The following DOCK7 variants were observed in gnomAD, a reference collection of about 807,000 sequenced individuals.
The protein encoded by DOCK7 is dedicator of cytokinesis 7, also known as dedicator of cytokinesis protein 7.
A neutral mutation model predicts 271.0 loss-of-function variants in DOCK7; 138 were observed. That is an observed-to-expected ratio of 0.51 (90% confidence interval 0.44 to 0.59). The LOEUF (loss-of-function observed/expected upper bound fraction) is 0.59, where lower values mean the gene tolerates loss of function less well. DOCK7 is among the 20% of genes least tolerant of loss of function. The pLI is 0.00. For missense variants in DOCK7, 2,066 were observed against 2,592.4 expected, an observed-to-expected ratio of 0.80 and a Z score of 4.41; for synonymous variants, 823 against 876.1, an observed-to-expected ratio of 0.94 and a Z score of 1.07.
intron 49 of DOCK7, 93 bp downstream of exon 49, chr1:62,457,445 G>T: frequency 7.8e-7 from 1 of 1,282,934 alleles, no homozygotes; most frequent in Non-Finnish European, 1.1e-6. Flanking sequence ...CTTTTCGGAT[G>T]ACAGATGCTC....
chr1:62,609,595 G>A (rs769385166), intron 14 of DOCK7: 2 of 152,084 alleles, frequency 1.3e-5, no homozygotes, highest in Non-Finnish European at 2.9e-5. Context: ...AGGTTCTTCC[G>A]TGTCATTTTT....
At chr1:62,455,693 G>C (rs1645327704) in intron 49 of DOCK7, among the ~76,000 whole-genome samples, 2 of 152,292 alleles carry the variant, frequency 1.3e-5, no homozygotes, top group African/African-American at 4.8e-5. Flanking sequence ...TTGTCTGACT[G>C]ATGCTGCAGA....
chr1:62,534,306 A>T (rs909237898), intron 29 of DOCK7, among the ~76,000 whole-genome samples: 7 of 151,952 alleles, frequency 4.6e-5, no homozygotes, highest in African/African-American at 1.4e-4. Flanking sequence ...GGCTACATTA[A>T]GCTACTTCTA....
intron 14 of DOCK7, chr1:62,604,330 C>T (rs186819439): frequency 9.5e-6 from 14 of 1,477,890 alleles, no homozygotes; most frequent in East Asian, 2.3e-5. Flanking sequence ...TTTAAAAATC[C>T]GAATCCCAAA....
intron 29 of DOCK7, among the ~76,000 whole-genome samples, chr1:62,533,589 G>T (rs1645245997): frequency 6.6e-6 from 1 of 152,064 alleles, no homozygotes; most frequent in South Asian, 2.1e-4. Flanking sequence ...AATCTACACA[G>T]AAACCCATTA....
intron 21 of DOCK7, among the ~76,000 whole-genome samples, 179 bp from the exon 22 acceptor site, chr1:62,553,080 G>T (rs1645968053): frequency 7.9e-6 from 1 of 126,910 alleles, no homozygotes; most frequent in African/African-American, 3.1e-5. Flanking sequence ...CTGTTGCCAG[G>T]CTGGAGTGCA....
chr1:62,559,310 T>A (rs1268786572), intron 19 of DOCK7, 90 bp from the exon 20 acceptor site: 1 of 907,392 alleles, frequency 1.1e-6, no homozygotes, highest in East Asian at 2.7e-5. Context: ...ACATGTCATA[T>A]TACTTGATAA....
At chr1:62,684,757 C>T (rs184501765) in intron 1 of DOCK7, among the ~76,000 whole-genome samples, 21 of 152,258 alleles carry the variant, frequency 1.4e-4, no homozygotes, top group African/African-American at 4.8e-4. Flanking sequence ...ACAAAGACAA[C>T]TACTTGATAT....
chr1:62,532,473 A>C (rs761178229), intron 29 of DOCK7, among the ~76,000 whole-genome samples: 18 of 152,152 alleles, frequency 1.2e-4, no homozygotes, highest in South Asian at 4.1e-4. Context: ...CTGGGACTAT[A>C]GGTATGCACC....
chr1:62,573,243 A>G (rs151285145), intron 18 of DOCK7, among the ~76,000 whole-genome samples: 1 of 152,370 alleles, frequency 6.6e-6, no homozygotes, highest in African/African-American at 2.4e-5. Context: ...GGCTGGAGGC[A>G]GAAAAAAGCT....
At chr1:62,654,729 G>A (rs995764284) in intron 2 of DOCK7, among the ~76,000 whole-genome samples, 13 of 152,268 alleles carry the variant, frequency 8.5e-5, no homozygotes, top group African/African-American at 2.9e-4. Context: ...TAAAACGGGA[G>A]TATTATGCTG....
At chr1:62,473,765 C>T (rs1454599470) in intron 48 of DOCK7, among the ~76,000 whole-genome samples, 3 of 151,818 alleles carry the variant, frequency 2.0e-5, no homozygotes, top group South Asian at 2.1e-4. Flanking sequence ...AAATTTTTTT[C>T]GTAGAGATGG....
chr1:62,625,191 AC>A, intron 12 of DOCK7, 67 bp downstream of exon 12: 1 of 1,542,006 alleles, frequency 6.5e-7, no homozygotes, highest in Non-Finnish European at 8.9e-7. Context: ...TACAATCACT[AC>A]CTTTCTGAAA....
At chr1:62,572,533 A>T (rs137893144) in intron 18 of DOCK7, among the ~76,000 whole-genome samples, 2 of 152,328 alleles carry the variant, frequency 1.3e-5, no homozygotes, top group African/African-American at 2.4e-5. Context: ...TTATTTTCTC[A>T]CAGTTCTGGA....
intron 16 of DOCK7, among the ~76,000 whole-genome samples, chr1:62,582,201 G>A (rs1382345321): frequency 6.6e-6 from 1 of 152,176 alleles, no homozygotes; most frequent in African/African-American, 2.4e-5. Flanking sequence ...AGAAGCAGGA[G>A]CTAGAAGAAA....
At chr1:62,684,109 G>A (rs1279719253) in intron 1 of DOCK7, among the ~76,000 whole-genome samples, 5 of 151,882 alleles carry the variant, frequency 3.3e-5, no homozygotes, top group African/African-American at 9.7e-5. Flanking sequence ...GCGTGGTGAC[G>A]AGGACAGGAG....
chr1:62,518,711 G>A (rs1290942587), intron 31 of DOCK7, among the ~76,000 whole-genome samples: 1 of 151,986 alleles, frequency 6.6e-6, no homozygotes, highest in Non-Finnish European at 1.5e-5. Context: ...CTGCACTCCA[G>A]CCTGGGTGAC....
At chr1:62,508,118 G>A in intron 34 of DOCK7, 60 bp from the exon 35 acceptor site, 1 of 1,435,748 alleles carries the variant, frequency 7.0e-7, no homozygotes, top group Non-Finnish European at 9.4e-7. Context: ...ATTCTGAAAA[G>A]ACTTAAGGAT....
intron 37 of DOCK7, among the ~76,000 whole-genome samples, chr1:62,504,170 C>T (rs929540651): frequency 6.6e-6 from 1 of 151,860 alleles, no homozygotes; most frequent in African/African-American, 2.4e-5. Flanking sequence ...AAGGAAAATT[C>T]AAGGCCTTAA....
Sources: allele counts gnomAD v4.1 joint callset (sites outside exome capture counted in the v4.1 genomes callset), GRCh38; gene constraint gnomAD v4.1.1; transcripts MANE v1.5; gene names NCBI Gene and HGNC (gene_info 2026-07-23, HGNC 2026-07-21).